Variants in DLG2 observed in about 807,000 individuals in gnomAD.
The protein encoded by DLG2 is discs large MAGUK scaffold protein 2.
DLG2 carries 45 observed loss-of-function variants against 132.5 expected under a neutral mutation model. That is an observed-to-expected ratio of 0.34 (90% CI 0.27 to 0.44). DLG2 has a LOEUF of 0.44. Among genes scored for constraint, DLG2 ranks in the 20% least tolerant of loss-of-function variants. The pLI is 1.00. For missense variants in DLG2, 1,045 were observed against 1,196.9 expected, an observed-to-expected ratio of 0.87 and a Z score of 1.87; for synonymous variants, 424 against 419.6, an observed-to-expected ratio of 1.01 and a Z score of -0.13.
At position 84,280,737 on chromosome 11, in the gene DLG2, G is replaced by A. The variant is rs1164420015; in HGVS notation, c.520-29446C>T. ...TTTTGAGACGGAGTCTCACTCTGTC[G>A]CCCAGGCTGGAGTGCAGTGGCACGA... On this transcript the variant is annotated intron_variant, in intron 7 of 27. Transcript: ENST00000376104. 2.0e-5 allele frequency among the ~76,000 whole-genome samples: 3 copies of A among 151,514 alleles called. No individual in the cohort carries two copies. The East Asian group carries it at 5.9e-4, about 30-fold the overall frequency.
chr11:84,640,677 C>T (rs2099658476), intron 6 of DLG2: 1 of 175,816 alleles, frequency 5.7e-6, no homozygotes, highest in Non-Finnish European at 1.2e-5. Context: ...CATGGTAGCT[C>T]ACACCTGGAA....
chr11:83,549,701 A>T (rs1414601434), intron 19 of DLG2, among the ~76,000 whole-genome samples: 1 of 152,180 alleles, frequency 6.6e-6, no homozygotes, highest in African/African-American at 2.4e-5. Context: ...TATAAAAATC[A>T]CAATTTTCTA....
intron 7 of DLG2, among the ~76,000 whole-genome samples, chr11:84,390,561 C>T (rs1295752599): frequency 6.6e-6 from 1 of 152,048 alleles, no homozygotes; most frequent in Non-Finnish European, 1.5e-5. Flanking sequence ...AAGGAGACCG[C>T]AGGTGGTAAA....
intron 6 of DLG2, among the ~76,000 whole-genome samples, chr11:84,794,717 G>A (rs2074331396): frequency 6.6e-6 from 1 of 152,206 alleles, no homozygotes; most frequent in Non-Finnish European, 1.5e-5. Flanking sequence ...TGATTTCAGA[G>A]GAAAATTGAG....
chr11:85,024,766 T>C (rs1380851338), intron 6 of DLG2, among the ~76,000 whole-genome samples: 1 of 152,170 alleles, frequency 6.6e-6, no homozygotes, highest in Admixed American at 6.5e-5. Flanking sequence ...CTGCAAACAC[T>C]TTTTTTCCAA....
chr11:84,067,640 C>G (rs528482827), intron 10 of DLG2, among the ~76,000 whole-genome samples: 33 of 152,060 alleles, frequency 2.2e-4, no homozygotes, highest in Non-Finnish European at 3.7e-4. Context: ...AATACATATA[C>G]TTAATTATGT....
chr11:83,601,510 C>T lies in DLG2; in HGVS notation c.1940+31701G>A, dbSNP rs115969761. On this transcript the variant is annotated intron_variant, in intron 19 of 27. Coordinates refer to ENST00000376104, the MANE Select transcript of DLG2 (RefSeq NM_001142699.3). Reference sequence around the variant, plus strand: ...CAGCTGCAAAGTAATATGTGATGTTCTTTTTTTTTTTTTTTTTTTTTGACA... The same window carrying T: ...CAGCTGCAAAGTAATATGTGATGTTTTTTTTTTTTTTTTTTTTTTTTGACA... 2.2e-3 allele frequency among the ~76,000 whole-genome samples: 207 copies of T among 94,512 alleles called. 1 individual carries two copies. The highest frequency in any genetic ancestry group is 2.9e-3 in the East Asian group (8 of 2,732). 62.0% of individuals were successfully genotyped at this position (94,512 alleles called of 152,430 possible).
At chr11:84,918,725 G>A (rs1296491116) in intron 6 of DLG2, among the ~76,000 whole-genome samples, 1 of 152,152 alleles carries the variant, frequency 6.6e-6, no homozygotes, top group East Asian at 1.9e-4. Context: ...TTTGCGATTG[G>A]CAAATCCAGT....
chr11:85,312,748 G>A (rs980505352), intron 3 of DLG2, among the ~76,000 whole-genome samples: 1 of 151,954 alleles, frequency 6.6e-6, no homozygotes, highest in Non-Finnish European at 1.5e-5. Flanking sequence ...TCAAGATCTT[G>A]TGAAAGACTG....
chr11:84,942,578 A>G (rs1424050256), intron 6 of DLG2, among the ~76,000 whole-genome samples: 2 of 152,182 alleles, frequency 1.3e-5, no homozygotes, highest in Non-Finnish European at 2.9e-5. Flanking sequence ...CATTGTGGAC[A>G]GGGAAGATAT....
chr11:84,056,466 C>G (rs57294297), intron 11 of DLG2, among the ~76,000 whole-genome samples: 2 of 152,104 alleles, frequency 1.3e-5, no homozygotes, highest in Non-Finnish European at 2.9e-5. Context: ...AGTTCATTTT[C>G]TGTTGCATTA....
intron 9 of DLG2, among the ~76,000 whole-genome samples, chr11:84,152,665 C>T (rs890614135): frequency 1.4e-4 from 22 of 152,232 alleles, no homozygotes; most frequent in Admixed American, 3.9e-4. Context: ...GGATTACAGG[C>T]GTAAGCCACC....
chr11:84,208,744 T>C (rs1361081365), intron 8 of DLG2, among the ~76,000 whole-genome samples: 2 of 152,242 alleles, frequency 1.3e-5, no homozygotes, highest in African/African-American at 4.8e-5. Flanking sequence ...GTGTACACTG[T>C]ACATAAACAC....
chr11:84,553,352 T>C (rs556875418), intron 6 of DLG2, among the ~76,000 whole-genome samples: 1 of 152,314 alleles, frequency 6.6e-6, no homozygotes, highest in East Asian at 1.9e-4. Flanking sequence ...GTGAGCTCTG[T>C]TTTCAGTTGA....
chr11:84,657,875 C>T (rs2099690101), intron 6 of DLG2, among the ~76,000 whole-genome samples: 2 of 152,194 alleles, frequency 1.3e-5, no homozygotes, highest in African/African-American at 2.4e-5. Flanking sequence ...TGCTAATTAA[C>T]CTCCAATAAA....
chr11:84,415,616 A>G (rs2098926832), intron 7 of DLG2, among the ~76,000 whole-genome samples: 1 of 152,158 alleles, frequency 6.6e-6, no homozygotes, highest in African/African-American at 2.4e-5. Flanking sequence ...CGTGATTCCA[A>G]AGTGGAGATT....
At chr11:85,492,506 C>T (rs2093584143) in intron 3 of DLG2, among the ~76,000 whole-genome samples, 1 of 152,176 alleles carries the variant, frequency 6.6e-6, no homozygotes, top group African/African-American at 2.4e-5. Flanking sequence ...CCCCACTCAT[C>T]TGTATTTCTG....
At chr11:85,547,876 G>T (rs112063690) in intron 3 of DLG2, among the ~76,000 whole-genome samples, 1 of 152,008 alleles carries the variant, frequency 6.6e-6, no homozygotes, top group Admixed American at 6.6e-5. Context: ...ATTCTAGTTA[G>T]CAATTCGTCT....
At chr11:85,467,760 C>T (rs2092841916) in intron 3 of DLG2, among the ~76,000 whole-genome samples, 3 of 152,106 alleles carry the variant, frequency 2.0e-5, no homozygotes, top group Admixed American at 2.0e-4. Context: ...GGGATATAGG[C>T]CTAAAATTAT....
Sources: gnomAD v4.1 joint callset for allele counts (sites outside exome capture counted in the v4.1 genomes callset) on GRCh38, gnomAD v4.1.1 for gene constraint, MANE v1.5 for transcripts, NCBI Gene and HGNC (gene_info 2026-07-23, HGNC 2026-07-21) for gene names.